Variants in RNF17 observed in about 807,000 individuals in gnomAD.
The protein encoded by RNF17 is spermatogenesis associated 23.
A neutral mutation model predicts 200.5 loss-of-function variants in RNF17; 31 were observed. The observed-to-expected ratio is 0.15, with a 90% confidence interval of 0.12 to 0.21. The LOEUF is 0.21. RNF17 is among the 10% of genes least tolerant of loss of function. The pLI, the probability that RNF17 is intolerant of heterozygous loss-of-function variation, is 1.00. For missense variants in RNF17, 1,628 were observed against 1,905.1 expected, an observed-to-expected ratio of 0.85 and a Z score of 2.71; for synonymous variants, 606 against 637.8, an observed-to-expected ratio of 0.95 and a Z score of 0.75.
At chr13:24,884,241 T>C, downstream of RNF17, 1 of 1,614,122 alleles carries the variant, frequency 6.2e-7, no homozygotes, top group Non-Finnish European at 8.5e-7. Context: ...TGCATAGTAG[T>C]AGATCTGTAA....
intron 15 of RNF17, among the ~76,000 whole-genome samples, chr13:24,812,674 GC>G (rs71186848): frequency 4.2e-5 from 1 of 24,088 alleles, no homozygotes; most frequent in Non-Finnish European, 7.9e-5. Flanking sequence ...TCCCCTCCCC[GC>G]CCCACCCCCT....
At chr13:24,804,563 T>G (rs2137758422) in intron 15 of RNF17, 134 bp downstream of exon 15, 1 of 599,764 alleles carries the variant, frequency 1.7e-6, no homozygotes, top group South Asian at 2.5e-5. Context: ...ACGTTTAAAT[T>G]TCTTAGTAGT....
intron 15 of RNF17, among the ~76,000 whole-genome samples, chr13:24,819,293 C>G (rs2137905860): frequency 6.6e-6 from 1 of 152,276 alleles, no homozygotes; most frequent in Middle Eastern, 3.4e-3. Flanking sequence ...ATTTGTCTTT[C>G]TGTGACTGGC....
chr13:24,871,897 C>G (rs1313083423), intron 32 of RNF17, among the ~76,000 whole-genome samples: 2 of 150,106 alleles, frequency 1.3e-5, no homozygotes, highest in Non-Finnish European at 3.0e-5. Context: ...TCCTGAAGTG[C>G]TGGGATTACA....
chr13:24,836,160 A>G (rs1011327558), intron 18 of RNF17, among the ~76,000 whole-genome samples: 2 of 152,234 alleles, frequency 1.3e-5, no homozygotes, highest in African/African-American at 4.8e-5. Flanking sequence ...ACGTTAAACG[A>G]CCAAACCATA....
At chr13:24,804,797 A>G (rs1317431247) in intron 15 of RNF17, among the ~76,000 whole-genome samples, 1 of 152,212 alleles carries the variant, frequency 6.6e-6, no homozygotes. Context: ...ACCAAAATAG[A>G]CACAGATTAA....
rs567990521 is a variant in RNF17, at chr13:24,784,277, G to T, written c.611+2333G>T. 3.4e-4 allele frequency among the ~76,000 whole-genome samples: 51 copies of T among 152,222 alleles called. No homozygotes were observed. The Middle Eastern group carries it at 0.01, about 30-fold the overall frequency. On this transcript the variant is annotated intron_variant, in intron 6 of 35. Transcript: ENST00000255324. ...GCTGTTGAATTTGGTTTGCTAGTTT[G>T]TCTGAGGACTTTCTATCAATAGTTA... is the stretch of plus-strand genomic sequence containing the variant.
chr13:24,764,936 C>T (rs1018953062), intron 1 of RNF17, among the ~76,000 whole-genome samples: 1 of 147,818 alleles, frequency 6.8e-6, no homozygotes, highest in African/African-American at 2.5e-5. Context: ...GGTCTTTATA[C>T]GTGAGGGGAA....
At chr13:24,883,512 T>C, downstream of RNF17, 1 of 639,820 alleles carries the variant, frequency 1.6e-6, no homozygotes, top group Non-Finnish European at 2.7e-6. Context: ...ATTGTAACTT[T>C]CTACAGTGTT....
the RNF17 span, among the ~76,000 whole-genome samples, chr13:24,754,136 C>T: frequency 4.0e-5 from 6 of 148,236 alleles, no homozygotes; most frequent in East Asian, 4.0e-4. Flanking sequence ...CCAGCCTGGG[C>T]GACAGAGCCA....
downstream of RNF17, chr13:24,884,101 A>G (rs1259647979): frequency 1.2e-6 from 2 of 1,602,728 alleles, no homozygotes; most frequent in Admixed American, 3.4e-5. Context: ...AAAAGTTGTT[A>G]CAGTAAATAT....
At chr13:24,863,891 T>A (rs9551157) in intron 28 of RNF17, among the ~76,000 whole-genome samples, 63,264 of 152,132 alleles carry the variant, frequency 0.42, 13,567 homozygotes, top group South Asian at 0.51. Flanking sequence ...CTCTCCCTTG[T>A]ACGCAAAGGG....
chr13:24,877,308 G>A (rs1894964677), intron 34 of RNF17, 122 bp downstream of exon 34: 1 of 710,012 alleles, frequency 1.4e-6, no homozygotes, highest in Non-Finnish European at 2.3e-6. Context: ...AGCTATATAG[G>A]ATATAGTTTA....
chr13:24,872,536 C>CG (rs1894408216), intron 32 of RNF17, among the ~76,000 whole-genome samples: 1 of 151,164 alleles, frequency 6.6e-6, no homozygotes, highest in South Asian at 2.1e-4. Context: ...CATTGGTACA[C>CG]TTTTTTTTTA....
At chr13:24,774,123 T>C (rs2137506094) in intron 2 of RNF17, among the ~76,000 whole-genome samples, 1 of 152,336 alleles carries the variant, frequency 6.6e-6, no homozygotes, top group Admixed American at 6.5e-5. Context: ...CACAGTGGAC[T>C]TTAGGAATTC....
intron 26 of RNF17, 81 bp from the exon 27 acceptor site, chr13:24,861,187 T>G: frequency 1.6e-6 from 2 of 1,253,208 alleles, no homozygotes; most frequent in Non-Finnish European, 2.2e-6. Context: ...CCTGTCTTTT[T>G]TTCTAATAAC....
chr13:24,789,915 T>C, intron 9 of RNF17, 143 bp downstream of exon 9: 6 of 597,686 alleles, frequency 1.0e-5, no homozygotes, highest in South Asian at 4.4e-5. Context: ...ATTCTACATA[T>C]AATGTTTTTT....
intron 9 of RNF17, 84 bp downstream of exon 9, chr13:24,789,856 T>C (rs1313741140): frequency 1.2e-6 from 1 of 824,610 alleles, no homozygotes; most frequent in African/African-American, 1.7e-5. Context: ...TGATGTTTAG[T>C]GTAATTCAAA....
intron 7 of RNF17, 73 bp downstream of exon 7, chr13:24,788,232 CAAG>C: frequency 1.7e-6 from 2 of 1,202,442 alleles, no homozygotes; most frequent in South Asian, 1.5e-5. Context: ...ATATTTAAGA[CAAG>C]AATTTGTTTT....
Sources: gnomAD v4.1 joint callset for allele counts (sites outside exome capture counted in the v4.1 genomes callset) on GRCh38, gnomAD v4.1.1 for gene constraint, MANE v1.5 for transcripts, NCBI Gene and HGNC (gene_info 2026-07-23, HGNC 2026-07-21) for gene names.